The following EVI5 variants were observed in gnomAD, a reference collection of about 807,000 sequenced individuals.
EVI5 encodes ecotropic viral integration site 5.
Under a neutral mutation model 112.0 loss-of-function variants are expected in EVI5, and 73 were observed. The ratio of observed to expected loss-of-function variants is 0.65; its 90% CI spans 0.54 to 0.79. The LOEUF is 0.79. EVI5 is among the 30% of genes least tolerant of loss of function. EVI5 has a pLI of 0.00. For missense variants in EVI5, 900 were observed against 968.8 expected (o/e 0.93, Z 0.94); for synonymous variants, 305 against 319.9 (o/e 0.95, Z 0.50).
At chr1:92,770,565 C>CCTTGATCACGTGACCT (rs1382791211) in intron 1 of EVI5, among the ~76,000 whole-genome samples, 1 of 152,020 alleles carries the variant, frequency 6.6e-6, no homozygotes, top group Non-Finnish European at 1.5e-5. Flanking sequence ...CCAAGGCGGG[C>CCTTGATCACGTGACCT]TGATCACGAG....
intron 19 of EVI5, among the ~76,000 whole-genome samples, chr1:92,558,173 T>C (rs1667976562): frequency 6.6e-6 from 1 of 152,170 alleles, no homozygotes; most frequent in South Asian, 2.1e-4. Flanking sequence ...TTCCCGCCTA[T>C]CTCCCTGGTG....
At chr1:92,779,254 G>A (rs1684552011) in intron 1 of EVI5, among the ~76,000 whole-genome samples, 1 of 152,216 alleles carries the variant, frequency 6.6e-6, no homozygotes, top group African/African-American at 2.4e-5. Flanking sequence ...CAGGTGCAGT[G>A]CCTCACAGCT....
intron 18 of EVI5, among the ~76,000 whole-genome samples, chr1:92,603,099 C>G (rs1394562525): frequency 6.6e-6 from 1 of 151,984 alleles, no homozygotes; most frequent in East Asian, 1.9e-4. Flanking sequence ...GAAAGTATGC[C>G]CAACATAGCT....
chr1:92,752,173 A>G (rs1357955681), intron 1 of EVI5, among the ~76,000 whole-genome samples: 1 of 151,768 alleles, frequency 6.6e-6, no homozygotes, highest in Non-Finnish European at 1.5e-5. Context: ...TTAGCCCCTT[A>G]GTTGTGAAAA....
rs200281620 is a variant in EVI5 at position 92,607,601 on chromosome 1, G to A, written c.1954C>T (p.Gln652Ter). The A allele has an allele frequency of 1.6e-5, 25 of 1,589,968 alleles. No individual in the cohort carries two copies. ...LTQLSEAKRK[Q>*]AEIECKNKEE... ...TTTACCTTGCATTCAATCTCTGCTT[G>A]TTTACGCTTTGCTTCACTTAATTGA... Residue 652 changes from glutamine to a stop codon, truncating the protein, a stop_gained, in exon 17 of 20, where the codon CAA becomes TAA. Coordinates refer to ENST00000684568, the MANE Select transcript of EVI5 (RefSeq NM_001350197.2). LOFTEE classifies it high-confidence loss of function.
chr1:92,695,451 C>T lies in EVI5; in HGVS notation c.768G>A (p.Glu256=). 6.3e-7 allele frequency: 1 copy of T among 1,582,476 alleles called. No individual in the cohort carries two copies. The highest frequency in any genetic ancestry group is 8.6e-7 in the Non-Finnish European group (1 of 1,162,330). The change falls in exon 7 of 20, where the codon GAG becomes GAA. Residue 256 remains glutamate, a splice_region_variant and synonymous_variant. Transcript: ENST00000684568. ...AATGTACAAAGAGCTCTGGAAGATG[C>T]TCCTAAAGAGAAGAAAATAATTAGT... is the stretch of plus-strand genomic sequence containing the variant. ...CMYQFECMIQ[E]HLPELFVHFQ... is the part of the protein sequence containing the mutation.
At chr1:92,676,908 C>T (rs1355419584) in intron 10 of EVI5, among the ~76,000 whole-genome samples, 2 of 152,172 alleles carry the variant, frequency 1.3e-5, no homozygotes, top group Non-Finnish European at 2.9e-5. Context: ...TAATTTTCTT[C>T]TCCATGGAAG....
chr1:92,534,412 A>C (rs1571361847), intron 19 of EVI5, among the ~76,000 whole-genome samples: 2 of 152,134 alleles, frequency 1.3e-5, no homozygotes, highest in East Asian at 3.8e-4. Context: ...ACTTTCTTCA[A>C]ATAATTGGAA....
At chr1:92,561,354 C>CA (rs1214516091) in intron 19 of EVI5, among the ~76,000 whole-genome samples, 1 of 151,706 alleles carries the variant, frequency 6.6e-6, no homozygotes, top group Non-Finnish European at 1.5e-5. Flanking sequence ...CCTTTCTTTT[C>CA]AAAAAGATGC....
At chr1:92,564,722 C>G (rs1299492848) in intron 18 of EVI5, among the ~76,000 whole-genome samples, 6 of 149,854 alleles carry the variant, frequency 4.0e-5, no homozygotes, top group Non-Finnish European at 7.4e-5. Flanking sequence ...CGCTGTCACC[C>G]AGGCTGGAGT....
chr1:92,632,869 C>T (rs898883372), intron 14 of EVI5, among the ~76,000 whole-genome samples: 3 of 152,150 alleles, frequency 2.0e-5, no homozygotes, highest in Admixed American at 6.6e-5. Context: ...TTCTGGTATG[C>T]TGTGTCTTTG....
intron 1 of EVI5, among the ~76,000 whole-genome samples, chr1:92,759,002 C>T (rs1681397205): frequency 6.6e-6 from 1 of 152,068 alleles, no homozygotes. Flanking sequence ...CTTTGGGAGG[C>T]CCAAGCAGGC....
At chr1:92,775,001 G>C (rs1420365231) in intron 1 of EVI5, among the ~76,000 whole-genome samples, 1 of 152,140 alleles carries the variant, frequency 6.6e-6, no homozygotes, top group Non-Finnish European at 1.5e-5. Context: ...AAGGACTATC[G>C]TAACACCATG....
chr1:92,703,964 T>C (rs1023477061), intron 3 of EVI5: 13 of 172,894 alleles, frequency 7.5e-5, no homozygotes, highest in African/African-American at 2.8e-4. Context: ...AATACTGTTA[T>C]TCAAGAATGC....
At chr1:92,525,609 T>A (rs1466469790) in intron 19 of EVI5, among the ~76,000 whole-genome samples, 1 of 152,298 alleles carries the variant, frequency 6.6e-6, no homozygotes, top group Admixed American at 6.5e-5. Context: ...TGTATCTTGA[T>A]GTTTGTTGAC....
chr1:92,580,131 T>C (rs74843395), intron 18 of EVI5, among the ~76,000 whole-genome samples: 1 of 152,218 alleles, frequency 6.6e-6, no homozygotes, highest in South Asian at 2.1e-4. Flanking sequence ...AGGCTAATGC[T>C]TGAACAAGAA....
rs921625618 is a variant in EVI5 at position 92,600,708 on chromosome 1, A to T, written c.2070+4599T>A. On this transcript the variant is annotated intron_variant, in intron 18 of 19. Transcript: ENST00000684568. ...TCACAATAGGATTCGTGCTCCTGTGACAATCTAATGATGCCACTGATCTGA... is the reference window on the plus strand; with the variant it reads ...TCACAATAGGATTCGTGCTCCTGTGTCAATCTAATGATGCCACTGATCTGA... Among the ~76,000 whole-genome samples the T allele has an allele frequency of 2.0e-5, 3 of 152,172 alleles. 1 individual carries two copies. Among genetic ancestry groups the T allele is most frequent in the Admixed American group, 2.0e-4 (3 of 15,274 alleles).
At chr1:92,571,468 T>C (rs1349145734) in intron 18 of EVI5, among the ~76,000 whole-genome samples, 1 of 152,118 alleles carries the variant, frequency 6.6e-6, no homozygotes, top group East Asian at 1.9e-4. Context: ...TTTAATAAAT[T>C]AAAATGTATC....
At chr1:92,591,180 C>A (rs1489785782) in intron 18 of EVI5, among the ~76,000 whole-genome samples, 4 of 152,200 alleles carry the variant, frequency 2.6e-5, no homozygotes, top group Non-Finnish European at 5.9e-5. Context: ...TAAAGACCAT[C>A]AAGGCTAGGA....
Sources: gnomAD v4.1 joint callset for allele counts (sites outside exome capture counted in the v4.1 genomes callset) on GRCh38, gnomAD v4.1.1 for gene constraint, MANE v1.5 for transcripts, NCBI Gene and HGNC (gene_info 2026-07-23, HGNC 2026-07-21) for gene names.